Variants in NR3C2 observed in about 807,000 individuals in gnomAD.
NR3C2 encodes mineralocorticoid receptor.
NR3C2 carries 15 observed loss-of-function variants against 86.4 expected under a neutral mutation model. The ratio of observed to expected loss-of-function variants is 0.17; its 90% CI spans 0.12 to 0.27. The LOEUF is 0.27. Among genes scored for constraint, NR3C2 ranks in the 10% least tolerant of loss-of-function variants. NR3C2 has a pLI of 1.00. For synonymous variants in NR3C2, 458 were observed against 450.5 expected (o/e 1.02, Z -0.21); for missense variants, 960 against 1,195.6 (o/e 0.80, Z 2.91).
intron 2 of NR3C2, among the ~76,000 whole-genome samples, chr4:148,362,868 G>A (rs1745907923): frequency 6.6e-6 from 1 of 152,152 alleles, no homozygotes; most frequent in Non-Finnish European, 1.5e-5. Flanking sequence ...GAGCGACTTA[G>A]GCCCTCCTCT....
intron 8 of NR3C2, among the ~76,000 whole-genome samples, chr4:148,098,938 A>C (rs934191597): frequency 6.6e-6 from 1 of 152,134 alleles, no homozygotes; most frequent in Admixed American, 6.5e-5. Context: ...GTATCAAATT[A>C]GGCCCTGGGT....
chr4:148,193,125 T>C (rs535110615), intron 4 of NR3C2, among the ~76,000 whole-genome samples: 2 of 152,340 alleles, frequency 1.3e-5, no homozygotes, highest in Non-Finnish European at 2.9e-5. Context: ...AGTGGGCTGC[T>C]TGGGGACCCA....
chr4:148,195,186 A>T (rs1736384777), intron 3 of NR3C2, among the ~76,000 whole-genome samples: 1 of 152,246 alleles, frequency 6.6e-6, no homozygotes, highest in Non-Finnish European at 1.5e-5. Flanking sequence ...TCACAACAGC[A>T]CCAATCTAAA....
intron 3 of NR3C2, among the ~76,000 whole-genome samples, chr4:148,203,576 T>C (rs966942399): frequency 1.3e-5 from 2 of 152,124 alleles, no homozygotes; most frequent in South Asian, 2.1e-4. Context: ...TCGAACAACC[T>C]GGGAAACAGA....
intron 2 of NR3C2, among the ~76,000 whole-genome samples, chr4:148,305,358 C>T (rs917297591): frequency 6.6e-6 from 1 of 152,074 alleles, no homozygotes; most frequent in Non-Finnish European, 1.5e-5. Context: ...AACAGTCAGC[C>T]TTTCAGAAAC....
intron 6 of NR3C2, among the ~76,000 whole-genome samples, chr4:148,151,499 C>CT (rs1242218471): frequency 6.6e-6 from 1 of 152,178 alleles, no homozygotes; most frequent in Non-Finnish European, 1.5e-5. Context: ...GAACCAACAA[C>CT]TGATGTTTCT....
chr4:148,162,705 A>C (rs1183038992), intron 4 of NR3C2, among the ~76,000 whole-genome samples: 1 of 152,146 alleles, frequency 6.6e-6, no homozygotes, highest in East Asian at 1.9e-4. Flanking sequence ...TGTAATTCTG[A>C]AGTGCCCTCC....
At chr4:148,407,914 G>T (rs1423459883) in intron 2 of NR3C2, among the ~76,000 whole-genome samples, 1 of 152,102 alleles carries the variant, frequency 6.6e-6, no homozygotes, top group Non-Finnish European at 1.5e-5. Flanking sequence ...TTAACGTAAA[G>T]AAAGTCCCGA....
chr4:148,433,565 T>C (rs998426869), intron 2 of NR3C2, among the ~76,000 whole-genome samples: 5 of 152,150 alleles, frequency 3.3e-5, no homozygotes, highest in Non-Finnish European at 7.4e-5. Context: ...ATTCAAAGTA[T>C]TTCTCATAAA....
chr4:148,421,658 ATTAATT>A (rs1258274840), intron 2 of NR3C2, among the ~76,000 whole-genome samples: 1 of 152,190 alleles, frequency 6.6e-6, no homozygotes, highest in Admixed American at 6.5e-5. Context: ...CATTTTCCCC[ATTAATT>A]TTAACTTGTT....
chr4:148,156,690 CT>C (rs1467505867), intron 4 of NR3C2, among the ~76,000 whole-genome samples: 1 of 68,016 alleles, frequency 1.5e-5, no homozygotes, highest in Non-Finnish European at 4.2e-5. Flanking sequence ...AATAGGAACA[CT>C]TTTACACTGT....
At chr4:148,135,354 T>C (rs1029841452) in intron 6 of NR3C2, among the ~76,000 whole-genome samples, 17 of 152,048 alleles carry the variant, frequency 1.1e-4, no homozygotes, top group African/African-American at 4.1e-4. Context: ...GGGGGTGAGT[T>C]TGGCCCTTCT....
At chr4:148,389,198 T>C (rs1747416637) in intron 2 of NR3C2, among the ~76,000 whole-genome samples, 3 of 152,046 alleles carry the variant, frequency 2.0e-5, no homozygotes, top group African/African-American at 7.2e-5. Flanking sequence ...CAACTTGTAA[T>C]TAACAGCAGT....
At chr4:148,328,774 C>T (rs565901809) in intron 2 of NR3C2, among the ~76,000 whole-genome samples, 1 of 152,270 alleles carries the variant, frequency 6.6e-6, no homozygotes, top group South Asian at 2.1e-4. Flanking sequence ...GAGCCTGGGG[C>T]TGTGCTGGCT....
intron 6 of NR3C2, among the ~76,000 whole-genome samples, chr4:148,150,039 A>G (rs1157450868): frequency 6.6e-6 from 1 of 152,214 alleles, no homozygotes; most frequent in Non-Finnish European, 1.5e-5. Flanking sequence ...AGGGATTCCA[A>G]TTCTAGGTAC....
At chr4:148,281,406 T>C (rs1741231371) in intron 2 of NR3C2, among the ~76,000 whole-genome samples, 1 of 152,224 alleles carries the variant, frequency 6.6e-6, no homozygotes, top group South Asian at 2.1e-4. Context: ...GTGACTTACG[T>C]CCTTTCAATG....
intron 3 of NR3C2, among the ~76,000 whole-genome samples, chr4:148,203,747 A>G (rs1736857053): frequency 6.6e-6 from 1 of 150,396 alleles, no homozygotes; most frequent in African/African-American, 2.4e-5. Context: ...CAACTAAAAC[A>G]TTCGATAATT....
intron 7 of NR3C2, among the ~76,000 whole-genome samples, chr4:148,119,002 T>A (rs1338963852): frequency 6.6e-6 from 1 of 152,162 alleles, no homozygotes; most frequent in African/African-American, 2.4e-5. Flanking sequence ...TCCTCTTGAA[T>A]CTATTCCGCC....
intron 2 of NR3C2, among the ~76,000 whole-genome samples, chr4:148,337,913 T>C (rs1258647199): frequency 1.3e-5 from 2 of 152,184 alleles, no homozygotes; most frequent in Non-Finnish European, 2.9e-5. Context: ...GGTATAGATG[T>C]TGGTTAAGTG....
Sources: allele counts gnomAD v4.1 joint callset (sites outside exome capture counted in the v4.1 genomes callset), GRCh38; gene constraint gnomAD v4.1.1; transcripts MANE v1.5; gene names NCBI Gene and HGNC (gene_info 2026-07-23, HGNC 2026-07-21).